EPC2: variants seen among roughly 807,000 people sequenced by gnomAD.
EPC2 encodes the protein enhancer of polycomb 2.
EPC2 carries 14 observed loss-of-function variants against 92.1 expected under a neutral mutation model. The ratio of observed to expected loss-of-function variants is 0.15; its 90% CI spans 0.10 to 0.24. The LOEUF (loss-of-function observed/expected upper bound fraction) is 0.24. EPC2 is among the 10% of genes least tolerant of loss of function. The pLI is 1.00. For synonymous variants in EPC2, 340 were observed against 334.7 expected (o/e 1.02, Z -0.17); for missense variants, 755 against 971.5 (o/e 0.78, Z 2.96).
At position 148,645,086 on chromosome 2, in the gene EPC2, G is replaced by A. The variant is rs1477081535; in HGVS notation, c.69G>A (p.Lys23=). 1.3e-6 allele frequency: 2 copies of A among 1,594,358 alleles called. No homozygotes were observed. Among genetic ancestry groups the A allele is most frequent in the South Asian group, 2.3e-5 (2 of 87,878 alleles). ...AGCCGCTGCCTATCTACCGCGGCAA[G>A]GACATGCCTGATCTCAACGACTGCG... ...AAKPLPIYRG[K]DMPDLNDCVS... The change falls in exon 1 of 14, where the codon AAG becomes AAA. Residue 23 remains lysine (K), a synonymous_variant. Transcript: ENST00000258484.
chr2:148,710,096 C>T (rs867776480), intron 2 of EPC2, among the ~76,000 whole-genome samples: 1 of 152,178 alleles, frequency 6.6e-6, no homozygotes, highest in Non-Finnish European at 1.5e-5. Context: ...GCAATCTACT[C>T]ATCTGACAAA....
rs147681118 is a variant in EPC2, at chr2:148,669,274, A to T, written c.154-20940A>T. Among the ~76,000 whole-genome samples, 285 of 152,298 alleles carry T rather than the reference A, an allele frequency of 1.9e-3. 2 individuals carry two copies. Among genetic ancestry groups the T allele is most frequent in the Non-Finnish European group, 3.1e-3 (209 of 68,022 alleles). On this transcript the variant is annotated intron_variant, in intron 1 of 13. Coordinates refer to ENST00000258484, the MANE Select transcript of EPC2 (RefSeq NM_015630.4). ...CTTTTTCTGCCACCTTTTGGATTGAATATTTTTAATGAGTCTCTTTTAATA... is the reference window on the plus strand; with the variant it reads ...CTTTTTCTGCCACCTTTTGGATTGATTATTTTTAATGAGTCTCTTTTAATA...
chr2:148,742,533 G>A (rs963221075), intron 2 of EPC2, among the ~76,000 whole-genome samples: 1 of 151,968 alleles, frequency 6.6e-6, no homozygotes, highest in African/African-American at 2.4e-5. Flanking sequence ...CAGACAGATC[G>A]CTTGAGCCCA....
chr2:148,652,100 G>C (rs971521702), intron 1 of EPC2, among the ~76,000 whole-genome samples: 1 of 152,106 alleles, frequency 6.6e-6, no homozygotes, highest in African/African-American at 2.4e-5. Context: ...GAGATAGAGA[G>C]CGTTATTGGT....
intron 1 of EPC2, among the ~76,000 whole-genome samples, chr2:148,650,416 A>C (rs900082354): frequency 2.0e-5 from 3 of 152,132 alleles, no homozygotes; most frequent in African/African-American, 7.2e-5. Flanking sequence ...GGCCTCTTTA[A>C]ATATAGAATC....
rs183500010 is a variant in EPC2, at chr2:148,683,292, G to C, written c.154-6922G>C. Among the ~76,000 whole-genome samples, 4 of 151,010 alleles carry C rather than the reference G, an allele frequency of 2.6e-5. No individual in the cohort carries two copies. The East Asian group carries it at 7.8e-4, about 29-fold the overall frequency. On this transcript the variant is annotated intron_variant, in intron 1 of 13. Coordinates refer to ENST00000258484, the MANE Select transcript of EPC2 (RefSeq NM_015630.4). ...ATATCATTTTTTTTTTTTTGAGATG[G>C]AGTCTTGCTGTGTTGCCCAGGCTGG...
intron 1 of EPC2, among the ~76,000 whole-genome samples, chr2:148,669,136 T>C (rs765513743): frequency 1.3e-5 from 2 of 152,206 alleles, no homozygotes; most frequent in African/African-American, 2.4e-5. Flanking sequence ...TGTTATTTGA[T>C]TTTCATCTCT....
At chr2:148,723,253 C>G (rs1682420423) in intron 2 of EPC2, among the ~76,000 whole-genome samples, 1 of 152,168 alleles carries the variant, frequency 6.6e-6, no homozygotes, top group African/African-American at 2.4e-5. Flanking sequence ...ACAGAATGCT[C>G]TGGCACATTT....
Position 148,784,686 on chromosome 2 carries a change from A to T in EPC2, c.2036A>T (p.Tyr679Phe), listed in dbSNP as rs376761816. 23 of 1,608,498 alleles carry T rather than the reference A, an allele frequency of 1.4e-5. No homozygotes were observed. Among genetic ancestry groups the T allele is most frequent in the Non-Finnish European group, 2.0e-5 (23 of 1,177,282 alleles). Residue 679 changes from tyrosine (Y) to phenylalanine (F), a missense_variant, in exon 13 of 14, where the codon TAC becomes TTC. Tyr to Phe is a conservative substitution (Grantham distance 22). This residue lies in a region of EPC2 where 207 missense variants were observed against 260.5 expected (regional missense o/e 0.79). Coordinates refer to ENST00000258484, the MANE Select transcript of EPC2 (RefSeq NM_015630.4). ...VQPSGTSKTL[Y>F]STNMALSSSP... is the part of the protein sequence containing the mutation. ...TTTTCAGGAACCTCTAAAACATTAT[A>T]CTCCACCAATATGGCTTTATCATCC...
chr2:148,713,929 G>T (rs1276508684), intron 2 of EPC2, among the ~76,000 whole-genome samples: 1 of 152,140 alleles, frequency 6.6e-6, no homozygotes, highest in Non-Finnish European at 1.5e-5. Context: ...AGGGGTACAT[G>T]TGCAGGATGT....
chr2:148,780,601 C>T (rs548585695), intron 10 of EPC2, among the ~76,000 whole-genome samples: 151 of 152,202 alleles, frequency 9.9e-4, no homozygotes, highest in African/African-American at 3.6e-3. Context: ...CAACTACATT[C>T]CAGGACTTTG....
Position 148,733,648 on chromosome 2 carries a change from G to A in EPC2, c.314-9974G>A, listed in dbSNP as rs374709382. Among the ~76,000 whole-genome samples the A allele has an allele frequency of 2.1e-4, 32 of 151,236 alleles. 1 individual carries two copies. Among genetic ancestry groups the A allele is most frequent in the African/African-American group, 6.8e-4 (28 of 41,242 alleles). The stretch of plus-strand genomic sequence containing the variant: ...GGGTAGCTGGTACTACAGGCTTAAC[G>A]CCACTGCCCCCAGCTGTTTTTTTGT... On this transcript the variant is annotated intron_variant, in intron 2 of 13. Transcript: ENST00000258484.
intron 2 of EPC2, among the ~76,000 whole-genome samples, chr2:148,729,031 CAAAAA>C (rs376309552): frequency 0.018 from 1,132 of 63,590 alleles, 4 homozygotes; most frequent in Non-Finnish European, 0.024. Flanking sequence ...AACTCCATCT[CAAAAA>C]AAAAAAAAAA....
intron 1 of EPC2, among the ~76,000 whole-genome samples, chr2:148,654,287 T>C (rs968246890): frequency 6.6e-6 from 1 of 152,180 alleles, no homozygotes; most frequent in Non-Finnish European, 1.5e-5. Flanking sequence ...CTGTGTCTTA[T>C]AGGCAACACT....
chr2:148,675,545 A>G (rs1292149629), intron 1 of EPC2, among the ~76,000 whole-genome samples: 1 of 152,058 alleles, frequency 6.6e-6, no homozygotes, highest in Non-Finnish European at 1.5e-5. Context: ...ACCCTCTTCT[A>G]TCTGTATAAA....
At chr2:148,767,727 G>A (rs904150939) in intron 7 of EPC2, among the ~76,000 whole-genome samples, 7 of 152,096 alleles carry the variant, frequency 4.6e-5, no homozygotes, top group African/African-American at 1.2e-4. Flanking sequence ...CCTCTTGATC[G>A]TGCTTCCGAT....
chr2:148,771,838 G>A (rs374665670), intron 10 of EPC2, among the ~76,000 whole-genome samples: 56 of 150,260 alleles, frequency 3.7e-4, no homozygotes, highest in Admixed American at 1.5e-3. Flanking sequence ...TCGCTGTGTC[G>A]CCCAGGCTGG....
chr2:148,703,526 CT>C (rs1336556530), intron 2 of EPC2, among the ~76,000 whole-genome samples: 1 of 151,784 alleles, frequency 6.6e-6, no homozygotes, highest in Non-Finnish European at 1.5e-5. Context: ...GGTTTTTGTT[CT>C]TTTGTTAGTA....
At chr2:148,730,666 G>C (rs1011158399) in intron 2 of EPC2, among the ~76,000 whole-genome samples, 2 of 152,188 alleles carry the variant, frequency 1.3e-5, no homozygotes, top group Non-Finnish European at 2.9e-5. Context: ...CTTACATCAA[G>C]GAGGGGCATC....
Sources: gnomAD v4.1 joint callset for allele counts (sites outside exome capture counted in the v4.1 genomes callset) on GRCh38, gnomAD v4.1.1 for gene constraint, gnomAD v4.1.1 regional missense constraint, MANE v1.5 for transcripts, NCBI Gene and HGNC (gene_info 2026-07-23, HGNC 2026-07-21) for gene names.